ZNF217: variants seen among roughly 807,000 people sequenced by gnomAD.
ZNF217 encodes zinc finger protein 217.
ZNF217 carries 12 observed loss-of-function variants against 73.3 expected under a neutral mutation model. The observed-to-expected ratio is 0.16, with a 90% CI of 0.10 to 0.27. The LOEUF (loss-of-function observed/expected upper bound fraction) is 0.27, where lower values mean the gene tolerates loss of function less well. ZNF217 is among the 10% of genes least tolerant of loss of function. The pLI is 1.00. For synonymous variants in ZNF217, 588 were observed against 516.4 expected (o/e 1.14, Z -1.88); for missense variants, 1,195 against 1,327.8 (o/e 0.90, Z 1.55).
chr20:53,585,391 A>G (rs927077536), intron 1 of ZNF217, among the ~76,000 whole-genome samples: 44 of 152,030 alleles, frequency 2.9e-4, no homozygotes, highest in Non-Finnish European at 5.4e-4. Flanking sequence ...GAAACCCCTT[A>G]TCTGCTAAAA....
At chr20:53,569,887 G>A (rs572942588) in intron 5 of ZNF217, among the ~76,000 whole-genome samples, 1 of 152,144 alleles carries the variant, frequency 6.6e-6, no homozygotes, top group Non-Finnish European at 1.5e-5. Context: ...TTGAGCCCAG[G>A]AGTTTGAGGC....
chr20:53,571,842 C>G lies in ZNF217; in HGVS notation c.3049G>C (p.Val1017Leu). The change falls in exon 5 of 6, where the codon GTG (valine) becomes CTG (leucine). Residue 1017 changes from valine to leucine, a missense_variant. By Grantham distance (32) the Val-to-Leu change is conservative. Around this residue, in one of 9 missense-constraint regions of ZNF217, gnomAD observed 649 missense variants for 642.8 expected, o/e 1.01. Transcript: ENST00000371471. ...SSSTLEGKRP[V>L]SYQHLSNSMA... ...CTGTTAGATAAGTGTTGATATGACACAGGCCTTTTTCCTGATTGAAAAAAA... is the reference window on the plus strand; with the variant it reads ...CTGTTAGATAAGTGTTGATATGACAGAGGCCTTTTTCCTGATTGAAAAAAA... The G allele has an allele frequency of 6.2e-7, 1 of 1,601,024 alleles. No individual in the cohort carries two copies. The highest frequency in any genetic ancestry group is 1.1e-5 in the South Asian group (1 of 87,836).
chr20:53,590,759 A>T (rs1438902567), intron 1 of ZNF217, among the ~76,000 whole-genome samples: 1 of 152,210 alleles, frequency 6.6e-6, no homozygotes, highest in East Asian at 1.9e-4. Flanking sequence ...GTTAAGAGAG[A>T]AAAAAGTGAT....
chr20:53,594,071 C>G (rs1988986751), upstream of ZNF217, among the ~76,000 whole-genome samples: 1 of 150,296 alleles, frequency 6.7e-6, no homozygotes, highest in Admixed American at 6.6e-5. Context: ...TCCCCCACCC[C>G]CACCCCCGCC....
intron 1 of ZNF217, among the ~76,000 whole-genome samples, chr20:53,584,702 G>A (rs1464280172): frequency 6.6e-6 from 1 of 152,204 alleles, no homozygotes; most frequent in African/African-American, 2.4e-5. Flanking sequence ...GGCCTTTACA[G>A]TTCCAATATT....
In ZNF217 at chr20:53,581,498, G is replaced by A. The variant is rs754309091; in HGVS notation, c.1329C>T (p.Asp443=). 18 of 1,613,124 alleles carry A rather than the reference G, an allele frequency of 1.1e-5. No homozygotes were observed. In the South Asian group the frequency reaches 1.3e-4, roughly 12 times the overall value. Residue 443 remains aspartate (D), a synonymous_variant, in exon 2 of 6, where the codon GAC becomes GAT. Transcript: ENST00000371471. The surrounding 1 kb of genome is among the most constrained non-coding windows in gnomAD (Gnocchi z 4.9). ...CTTCGGGAAGCCCATCCTCAGATCCGTCTTCAGAACCACCTTCCCCTCGAT... is the reference window on the plus strand; with the variant it reads ...CTTCGGGAAGCCCATCCTCAGATCCATCTTCAGAACCACCTTCCCCTCGAT... ...AVDRGEGGSE[D]GSEDGLPEGI...
chr20:53,571,309 C>A (rs1486271622), intron 5 of ZNF217, among the ~76,000 whole-genome samples: 1 of 151,912 alleles, frequency 6.6e-6, no homozygotes, highest in East Asian at 1.9e-4. Context: ...TTTAAAACAC[C>A]TAAAAAATCA....
intron 2 of ZNF217, among the ~76,000 whole-genome samples, chr20:53,580,345 G>A (rs1988439681): frequency 6.6e-6 from 1 of 152,272 alleles, no homozygotes; most frequent in East Asian, 1.9e-4. Flanking sequence ...ACTGAGAGGA[G>A]GAGGCACTTG....
At chr20:53,591,717 GGCTT>G (rs1437744502) in intron 1 of ZNF217, among the ~76,000 whole-genome samples, 3 of 152,154 alleles carry the variant, frequency 2.0e-5, no homozygotes, top group Non-Finnish European at 2.9e-5. Flanking sequence ...ACAAACTAGT[GGCTT>G]GCCTGTTATA....
At chr20:53,583,196 G>C (rs1988572233) in intron 1 of ZNF217, 28 bp from the exon 2 acceptor site, 1 of 407,908 alleles carries the variant, frequency 2.5e-6, no homozygotes, top group African/African-American at 2.0e-5. Flanking sequence ...GAAACGGTTA[G>C]CTACACTCAG....
In ZNF217 at chr20:53,576,460, G is replaced by C; in HGVS notation, c.2304C>G (p.Leu768=). Residue 768 remains leucine (L), a synonymous_variant, in exon 4 of 6, where the codon CTC becomes CTG. Transcript: ENST00000371471. ...TGGGCTTGGGTTTACAGAAACTAGA[G>C]AGGGGAGGCACATCTTTTCCCAGCA... is the stretch of plus-strand genomic sequence containing the variant. ...PALLGKDVPP[L]SSFCKPKPKS... is the part of the protein sequence containing the mutation. 6.2e-7 allele frequency: 1 copy of C among 1,614,246 alleles called. No homozygotes were observed. The highest frequency in any genetic ancestry group is 2.2e-5 in the East Asian group (1 of 44,884).
intron 3 of ZNF217, among the ~76,000 whole-genome samples, chr20:53,577,874 G>T (rs189590365): frequency 2.6e-5 from 4 of 152,338 alleles, no homozygotes; most frequent in African/African-American, 9.6e-5. Context: ...CACTATGGGA[G>T]GCCAAGGTGA....
rs780214486 is a variant in ZNF217, at chr20:53,575,744, G to A, written c.3020C>T (p.Ser1007Phe). The change falls in exon 4 of 6, where the codon TCC becomes TTC. Residue 1007 changes from serine (S) to phenylalanine (F), a missense_variant. Physicochemically the swap from Ser to Phe is radical, Grantham distance 155 (BLOSUM62 -2). Transcript: ENST00000371471. Reference sequence around the variant, plus strand: ...TGCAATACCTTCTAACGTCGAGCTGGATGCTGGACTACCAGCAGGCACACA... The same window carrying A: ...TGCAATACCTTCTAACGTCGAGCTGAATGCTGGACTACCAGCAGGCACACA... ...YTCVPAGSPA[S>F]SSTLEGKRPV... 4.4e-6 allele frequency: 7 copies of A among 1,587,714 alleles called. No individual in the cohort carries two copies. The highest frequency in any genetic ancestry group is 6.0e-6 in the Non-Finnish European group (7 of 1,167,336).
chr20:53,580,736 G>C (rs926568710), intron 2 of ZNF217, among the ~76,000 whole-genome samples: 3 of 152,058 alleles, frequency 2.0e-5, no homozygotes, highest in African/African-American at 7.3e-5. Flanking sequence ...CAAATCATTT[G>C]GGTTCCTGAG....
At chr20:53,586,613 C>G (rs1394237781) in intron 1 of ZNF217, among the ~76,000 whole-genome samples, 1 of 152,210 alleles carries the variant, frequency 6.6e-6, no homozygotes, top group African/African-American at 2.4e-5. Flanking sequence ...CTTCCTTAAA[C>G]TCTAAGACAA....
intron 1 of ZNF217, among the ~76,000 whole-genome samples, chr20:53,584,334 A>G (rs575885475): frequency 3.0e-4 from 45 of 152,324 alleles, no homozygotes; most frequent in South Asian, 1.0e-3. Context: ...CTACTTCCTT[A>G]AAGAGCAAGG....
In ZNF217 at chr20:53,576,452, A is replaced by C; in HGVS notation, c.2312T>G (p.Phe771Cys). The part of the protein sequence containing the change: ...LGKDVPPLSS[F>C]CKPKPKSAFP... ...AGCAGACTTGGGCTTGGGTTTACAG[A>C]AACTAGAGAGGGGAGGCACATCTTT... The change falls in exon 4 of 6, where the codon TTC (phenylalanine) becomes TGC (cysteine). Residue 771 changes from phenylalanine (F) to cysteine (C), a missense_variant. Phe to Cys is a radical substitution (Grantham distance 205). Coordinates refer to ENST00000371471, the MANE Select transcript of ZNF217 (RefSeq NM_006526.3). The C allele has an allele frequency of 6.2e-7, 1 of 1,614,142 alleles. No individual in the cohort carries two copies. Among genetic ancestry groups the C allele is most frequent in the Non-Finnish European group, 8.5e-7 (1 of 1,179,974 alleles).
chr20:53,593,892 G>A (rs1252807688), upstream of ZNF217: 1 of 151,124 alleles, frequency 6.6e-6, no homozygotes, highest in Non-Finnish European at 1.5e-5. Context: ...GGGAGGGAGG[G>A]AGGCGTCGCG....
intron 1 of ZNF217, among the ~76,000 whole-genome samples, chr20:53,585,169 C>T (rs1988651849): frequency 7.1e-6 from 1 of 140,152 alleles, no homozygotes; most frequent in African/African-American, 2.7e-5. Flanking sequence ...ATTTTAGAAA[C>T]TTGACTAATA....
Sources: gnomAD v4.1 joint callset for allele counts (sites outside exome capture counted in the v4.1 genomes callset) on GRCh38, gnomAD v4.1.1 for gene constraint, gnomAD v4.1.1 regional missense constraint, Gnocchi (gnomAD v3.1) non-coding constraint, MANE v1.5 for transcripts, NCBI Gene and HGNC (gene_info 2026-07-23, HGNC 2026-07-21) for gene names.